The following FYB1 variants were observed in gnomAD, a reference collection of about 807,000 sequenced individuals.
The protein encoded by FYB1 is FYN binding protein 1, also known as FYN-binding protein 1.
Under a neutral mutation model 94.1 loss-of-function variants are expected in FYB1, and 41 were observed. The observed-to-expected ratio is 0.44, with a 90% CI of 0.34 to 0.57. The LOEUF (loss-of-function observed/expected upper bound fraction) is 0.57, where lower values mean the gene tolerates loss of function less well. Ranked by LOEUF, FYB1 falls within the 20% of genes least tolerant of loss-of-function variation. The probability of loss-of-function intolerance (pLI) is 0.02; values close to 1 mark genes in which losing one functional copy is unlikely to be tolerated. For missense variants in FYB1, 1,050 were observed against 976.8 expected (o/e 1.07, Z -1.00); for synonymous variants, 367 against 353.2 (o/e 1.04, Z -0.44).
rs1383169508 is a variant in FYB1, at chr5:39,119,036, A to T, written c.2239T>A (p.Tyr747Asn). The change falls in exon 16 of 19, where the codon TAT (tyrosine) becomes AAT (asparagine). Residue 747 changes from tyrosine to asparagine, a missense_variant and splice_region_variant. Tyr to Asn is a moderately radical substitution (Grantham distance 143, BLOSUM62 -2). Coordinates refer to ENST00000512982, the MANE Select transcript of FYB1 (RefSeq NM_001465.6). ...EEKDFRKKFK[Y>N]DGEIRVLYST... Reference sequence around the variant, plus strand: ...TATAGGACTCTAATTTCACCATCATACTAAAAAAAAAAGAACAATATTTAA... The same window carrying T: ...TATAGGACTCTAATTTCACCATCATTCTAAAAAAAAAAGAACAATATTTAA... The T allele has an allele frequency of 7.7e-7, 1 of 1,299,394 alleles. No individual in the cohort carries two copies. The highest frequency in any genetic ancestry group is 2.9e-5 in the Admixed American group (1 of 34,880). The allele number at this position is 1,299,394 out of a possible 1,614,324, so 80.5% of individuals were successfully genotyped here. A position where few individuals can be genotyped will look rare whatever the true frequency, so the allele number is the denominator to read the frequency against.
intron 10 of FYB1, among the ~76,000 whole-genome samples, chr5:39,129,119 C>T (rs542773324): frequency 6.6e-6 from 1 of 151,752 alleles, no homozygotes; most frequent in Admixed American, 6.6e-5. Flanking sequence ...AAACAAAAAC[C>T]AATGAAACAG....
chr5:39,219,262 C>T (rs1175708687), intron 1 of FYB1, among the ~76,000 whole-genome samples, 181 bp downstream of exon 1: 1 of 152,196 alleles, frequency 6.6e-6, no homozygotes, highest in Non-Finnish European at 1.5e-5. Flanking sequence ...TTTTGGCTAC[C>T]ATGAGGCTGA....
intron 1 of FYB1, among the ~76,000 whole-genome samples, chr5:39,205,679 G>A (rs539446406): frequency 1.3e-5 from 2 of 152,136 alleles, no homozygotes; most frequent in African/African-American, 2.4e-5. Context: ...GGATTGGAAC[G>A]TAAGTCTCTC....
chr5:39,203,855 T>G (rs1031980143), intron 1 of FYB1, among the ~76,000 whole-genome samples: 1 of 152,156 alleles, frequency 6.6e-6, no homozygotes, highest in African/African-American at 2.4e-5. Context: ...GCAAAGATAA[T>G]AGGCATTCAT....
intron 2 of FYB1, among the ~76,000 whole-genome samples, chr5:39,162,565 G>A (rs765961897): frequency 1.3e-5 from 2 of 151,986 alleles, no homozygotes; most frequent in Non-Finnish European, 1.5e-5. Context: ...CTTGTCTGTA[G>A]TCCCAGCTAC....
chr5:39,143,796 G>C (rs546483241), intron 3 of FYB1, among the ~76,000 whole-genome samples: 1 of 152,236 alleles, frequency 6.6e-6, no homozygotes, highest in African/African-American at 2.4e-5. Flanking sequence ...ACTTGAGATG[G>C]TAAATATAGG....
At chr5:39,110,599 A>G in intron 16 of FYB1, 1 of 457,000 alleles carries the variant, frequency 2.2e-6, no homozygotes, top group Non-Finnish European at 4.0e-6. Context: ...TTTCTCCAGT[A>G]TGTCTCTTTT....
chr5:39,148,155 T>TTA lies in FYB1; in HGVS notation c.1292+5291_1292+5292dup, dbSNP rs10528848. Among the ~76,000 whole-genome samples, 299 of 37,552 alleles carry TTA rather than the reference T, an allele frequency of 8.0e-3. 3 individuals carry two copies. The highest frequency in any genetic ancestry group is 9.9e-3 in the Non-Finnish European group (233 of 23,504). 24.6% of individuals were successfully genotyped at this position (37,552 alleles called of 152,430 possible). A position where few individuals can be genotyped will look rare whatever the true frequency, so the allele number is the denominator to read the frequency against. ...ATTATATGTATATTATATGTATTTT[T>TTA]TATATATATATATATATATATATAT... On this transcript the variant is annotated intron_variant, in intron 3 of 18. Coordinates refer to ENST00000512982, the MANE Select transcript of FYB1 (RefSeq NM_001465.6).
chr5:39,213,141 A>T (rs1307846789), intron 1 of FYB1: 3 of 152,140 alleles, frequency 2.0e-5, no homozygotes, highest in African/African-American at 4.8e-5. Flanking sequence ...TTTTAAAATA[A>T]CATTTCACAT....
In FYB1 at chr5:39,194,591, T is replaced by C. The variant is rs187990610; in HGVS notation, c.1135+7235A>G. Among the ~76,000 whole-genome samples the C allele has an allele frequency of 4.6e-3, 697 of 151,882 alleles. 4 individuals are homozygous for C. Among genetic ancestry groups the C allele is most frequent in the African/African-American group, 0.016 (676 of 41,442 alleles). On this transcript the variant is annotated intron_variant, in intron 2 of 18. Coordinates refer to ENST00000512982, the MANE Select transcript of FYB1 (RefSeq NM_001465.6). The stretch of plus-strand genomic sequence containing the variant: ...AGAAGGAAGGAAGGAAGGGAGGATA[T>C]CTTGCATTAAAAAAGACCAACGGAT...
chr5:39,241,783 C>A (rs534339655), intron 1 of FYB1, among the ~76,000 whole-genome samples: 2 of 151,810 alleles, frequency 1.3e-5, no homozygotes, highest in South Asian at 2.1e-4. Flanking sequence ...TGGAAAGGAG[C>A]CTCATGGTTC....
chr5:39,236,186 A>C (rs867379815), intron 1 of FYB1, among the ~76,000 whole-genome samples: 11 of 152,038 alleles, frequency 7.2e-5, no homozygotes, highest in Admixed American at 2.6e-4. Context: ...GAAGATTAAC[A>C]CACCATTTCC....
chr5:39,161,957 T>A (rs1313189369), intron 2 of FYB1, among the ~76,000 whole-genome samples: 1 of 152,254 alleles, frequency 6.6e-6, no homozygotes, highest in African/African-American at 2.4e-5. Context: ...CAATATGTGG[T>A]TGTTTGTGAC....
chr5:39,162,673 G>A (rs1488800213), intron 2 of FYB1, among the ~76,000 whole-genome samples: 3 of 150,646 alleles, frequency 2.0e-5, no homozygotes, highest in African/African-American at 4.9e-5. Flanking sequence ...CAACAGAGAC[G>A]CCATCTCAAA....
chr5:39,169,933 T>G (rs1745095678), intron 2 of FYB1: 3 of 636,914 alleles, frequency 4.7e-6, no homozygotes, highest in Non-Finnish European at 8.9e-6. Flanking sequence ...AGGCTCCTTC[T>G]GTGAACTATT....
At chr5:39,127,635 G>A (rs1740819448) in intron 11 of FYB1, 106 bp downstream of exon 11, 2 of 1,248,520 alleles carry the variant, frequency 1.6e-6, no homozygotes, top group East Asian at 2.9e-5. Flanking sequence ...TTGGGGTAAT[G>A]TGAGAAAGAA....
In FYB1 at chr5:39,180,375, A is replaced by G. The variant is rs557581795; in HGVS notation, c.1135+21451T>C. On this transcript the variant is annotated intron_variant, in intron 2 of 18. Coordinates refer to ENST00000512982, the MANE Select transcript of FYB1 (RefSeq NM_001465.6). ...CCCTGATGCCCTTCACCAGCGCTTA[A>G]TTCCTATTTCATTCCTATTCTTTTT... Among the ~76,000 whole-genome samples the G allele has an allele frequency of 6.6e-5, 10 of 152,188 alleles. No individual in the cohort carries two copies. The East Asian group carries it at 1.5e-3, about 23-fold the overall frequency.
chr5:39,133,283 T>G (rs921018274), intron 9 of FYB1, among the ~76,000 whole-genome samples: 5 of 152,192 alleles, frequency 3.3e-5, no homozygotes, highest in African/African-American at 1.2e-4. Context: ...TGATGTTTTT[T>G]GGGATCACAA....
rs56376626 is a variant in FYB1, at chr5:39,121,183, C to CAAA, written c.2138+1150_2138+1152dup. On this transcript the variant is annotated intron_variant, in intron 14 of 18. Coordinates refer to ENST00000512982, the MANE Select transcript of FYB1 (RefSeq NM_001465.6). ...GAATGTGATGTACAGTAATGTAAAG[C>CAAA]AAAAAAAAAAAAAAAAAAAAAAGCA... Among the ~76,000 whole-genome samples the CAAA allele has an allele frequency of 2.2e-3, 128 of 57,638 alleles. 1 individual carries two copies. Among genetic ancestry groups the CAAA allele is most frequent in the East Asian group, 2.7e-3 (3 of 1,130 alleles). The allele number at this position is 57,638 out of a possible 152,430, so 37.8% of individuals were successfully genotyped here.
Sources: gnomAD v4.1 joint callset for allele counts (sites outside exome capture counted in the v4.1 genomes callset) on GRCh38, gnomAD v4.1.1 for gene constraint, MANE v1.5 for transcripts, NCBI Gene and HGNC (gene_info 2026-07-23, HGNC 2026-07-21) for gene names.